GSTCD: variants seen among roughly 807,000 people sequenced by gnomAD.
GSTCD encodes the protein glutathione S-transferase C-terminal domain-containing protein.
Under a neutral mutation model 68.3 loss-of-function variants are expected in GSTCD, and 44 were observed. The ratio of observed to expected loss-of-function variants is 0.64; its 90% CI spans 0.51 to 0.83. The LOEUF (loss-of-function observed/expected upper bound fraction) is 0.83, where lower values mean the gene tolerates loss of function less well. Among genes scored for constraint, GSTCD ranks in the 40% least tolerant of loss-of-function variants. GSTCD has a pLI of 0.00. For synonymous variants in GSTCD, 273 were observed against 255.2 expected (o/e 1.07, Z -0.67); for missense variants, 739 against 735.9 (o/e 1.00, Z -0.05).
rs572085307 is a variant in GSTCD, at chr4:105,824,247, C to T, written c.1401+972C>T. On this transcript the variant is annotated intron_variant, in intron 7 of 11. Transcript: ENST00000515279. The stretch of plus-strand genomic sequence containing the variant: ...TATTTTTCTTTTCTTAGAGAATAAA[C>T]AGGAAAATAAATAAGGAATCCTGGG... Among the ~76,000 whole-genome samples the T allele has an allele frequency of 8.6e-5, 13 of 151,978 alleles. No individual in the cohort carries two copies. In the South Asian group the frequency reaches 1.5e-3, roughly 17 times the overall value.
intron 5 of GSTCD, among the ~76,000 whole-genome samples, chr4:105,787,677 A>G (rs1735516197): frequency 2.0e-5 from 3 of 151,986 alleles, no homozygotes; most frequent in African/African-American, 7.3e-5. Flanking sequence ...AGTCAGGAAA[A>G]TTCTCCTTGG....
At chr4:105,771,949 A>G (rs746195900) in intron 5 of GSTCD, among the ~76,000 whole-genome samples, 38 of 152,136 alleles carry the variant, frequency 2.5e-4, no homozygotes, top group Non-Finnish European at 5.0e-4. Flanking sequence ...TGAATCTATA[A>G]ATTACTTTGG....
intron 5 of GSTCD, among the ~76,000 whole-genome samples, chr4:105,752,412 A>G (rs1010193435): frequency 6.6e-6 from 1 of 152,140 alleles, no homozygotes; most frequent in African/African-American, 2.4e-5. Context: ...CTGATTATCA[A>G]TAAAGGTTTT....
At chr4:105,812,903 T>C (rs906778863) in intron 5 of GSTCD, among the ~76,000 whole-genome samples, 45 of 152,150 alleles carry the variant, frequency 3.0e-4, no homozygotes, top group Non-Finnish European at 1.3e-4. Flanking sequence ...AAAAAAGTTA[T>C]ATTTATTTAT....
At chr4:105,812,136 T>G (rs1037660850) in intron 5 of GSTCD, among the ~76,000 whole-genome samples, 1 of 152,178 alleles carries the variant, frequency 6.6e-6, no homozygotes, top group African/African-American at 2.4e-5. Context: ...GACATCTTTC[T>G]GATAAATGTT....
intron 5 of GSTCD, among the ~76,000 whole-genome samples, chr4:105,746,681 C>T (rs1245333264): frequency 6.6e-6 from 1 of 151,920 alleles, no homozygotes; most frequent in Non-Finnish European, 1.5e-5. Context: ...TTCTTATCAA[C>T]CTTTATGTGT....
At chr4:105,780,252 A>G (rs1438899591) in intron 5 of GSTCD, among the ~76,000 whole-genome samples, 1 of 152,182 alleles carries the variant, frequency 6.6e-6, no homozygotes, top group Admixed American at 6.5e-5. Flanking sequence ...TGTGAAATTG[A>G]TGGGCACTAT....
chr4:105,794,749 C>T (rs763190872), intron 5 of GSTCD, among the ~76,000 whole-genome samples: 4 of 151,570 alleles, frequency 2.6e-5, no homozygotes, highest in Admixed American at 1.3e-4. Flanking sequence ...GAGTCTTTTG[C>T]ATTTCCAAAA....
chr4:105,777,728 T>G (rs1033736324), intron 5 of GSTCD, among the ~76,000 whole-genome samples: 3 of 152,186 alleles, frequency 2.0e-5, no homozygotes, highest in African/African-American at 7.2e-5. Flanking sequence ...TTTTCTCATC[T>G]GCAAAATGGG....
chr4:105,769,270 CA>C (rs1158604210), intron 5 of GSTCD, among the ~76,000 whole-genome samples: 194 of 123,280 alleles, frequency 1.6e-3, no homozygotes, highest in African/African-American at 5.3e-3. Context: ...CACACACACA[CA>C]CACCACTTTT....
intron 5 of GSTCD, among the ~76,000 whole-genome samples, chr4:105,741,996 T>C (rs1733645551): frequency 6.6e-6 from 1 of 152,226 alleles, no homozygotes; most frequent in Non-Finnish European, 1.5e-5. Context: ...TCAAGATTCA[T>C]GTTTCTGTAC....
intron 5 of GSTCD, among the ~76,000 whole-genome samples, chr4:105,730,690 G>A (rs1260918637): frequency 6.6e-6 from 1 of 152,110 alleles, no homozygotes; most frequent in African/African-American, 2.4e-5. Context: ...CATTCTGTAG[G>A]TTGCCTGTTC....
intron 5 of GSTCD, among the ~76,000 whole-genome samples, chr4:105,796,177 G>A (rs934405631): frequency 1.3e-5 from 2 of 152,222 alleles, no homozygotes; most frequent in Non-Finnish European, 2.9e-5. Flanking sequence ...AGCAAGTCGT[G>A]TCTTACATGG....
chr4:105,732,777 G>A (rs1006634123), intron 5 of GSTCD, among the ~76,000 whole-genome samples: 1 of 152,034 alleles, frequency 6.6e-6, no homozygotes, highest in Non-Finnish European at 1.5e-5. Context: ...TTTTAATTGT[G>A]ATGTTAGGAT....
At chr4:105,823,409 C>G (rs1723412637) in intron 7 of GSTCD, 134 bp downstream of exon 7, 2 of 598,850 alleles carry the variant, frequency 3.3e-6, no homozygotes, top group Non-Finnish European at 5.8e-6. Flanking sequence ...ATTGTCTTTT[C>G]TTTGAAATAA....
intron 3 of GSTCD, among the ~76,000 whole-genome samples, chr4:105,724,335 T>C (rs1732963610): frequency 6.6e-6 from 1 of 151,784 alleles, no homozygotes; most frequent in Non-Finnish European, 1.5e-5. Flanking sequence ...TATATGAGTT[T>C]GTATCAGGAA....
chr4:105,840,292 T>A, intron 10 of GSTCD: 1 of 422,446 alleles, frequency 2.4e-6, no homozygotes, highest in Non-Finnish European at 4.8e-6. Flanking sequence ...ATCATGTAAT[T>A]CTAAATTTTC....
intron 5 of GSTCD, among the ~76,000 whole-genome samples, chr4:105,805,922 G>A (rs1722472219): frequency 6.6e-6 from 1 of 151,892 alleles, no homozygotes; most frequent in Admixed American, 6.6e-5. Context: ...AATTTAGAAT[G>A]TCAATCAGCA....
chr4:105,797,760 C>CTTTTTTTTTTTTTTTTTTTTTT (rs70941218), intron 5 of GSTCD, among the ~76,000 whole-genome samples: 2 of 84,954 alleles, frequency 2.4e-5, no homozygotes, highest in African/African-American at 4.7e-5. Context: ...CACAATAGAA[C>CTTTTTTTTTTTTTTTTTTTTTT]TTTTTTTTTT....
Sources: gnomAD v4.1 joint callset for allele counts (sites outside exome capture counted in the v4.1 genomes callset) on GRCh38, gnomAD v4.1.1 for gene constraint, MANE v1.5 for transcripts, NCBI Gene and HGNC (gene_info 2026-07-23, HGNC 2026-07-21) for gene names.